Variants in RYR2 observed in about 807,000 individuals in gnomAD.
The protein encoded by RYR2 is ryanodine receptor 2, also known as cardiac muscle ryanodine receptor-calcium release channel.
A neutral mutation model predicts 601.1 loss-of-function variants in RYR2; 227 were observed. The ratio of observed to expected loss-of-function variants is 0.38; its 90% CI spans 0.34 to 0.42. The LOEUF is 0.42. Ranked by LOEUF, RYR2 falls within the 10% of genes least tolerant of loss-of-function variation. The pLI is 1.00. For synonymous variants in RYR2, 2,223 were observed against 2,175.1 expected (o/e 1.02, Z -0.61); for missense variants, 4,646 against 6,156.5 (o/e 0.75, Z 8.21).
At chr1:237,145,994 C>T (rs943239004) in intron 1 of RYR2, among the ~76,000 whole-genome samples, 6 of 151,982 alleles carry the variant, frequency 3.9e-5, no homozygotes, top group African/African-American at 7.3e-5. Context: ...AGGGTAATGT[C>T]GGTATTAATA....
Position 237,648,589 on chromosome 1 carries a change from C to T in RYR2, c.7488C>T (p.Leu2496=), listed in dbSNP as rs143906555. ...HLLEVGFLPD[L]RAAASLDTAA... ...TTGAGGTTGGCTTTCTGCCAGATCT[C>T]CGGGCGGCTGCTTCTTTAGATACGG... The change falls in exon 49 of 105, where the codon CTC becomes CTT. Residue 2496 remains leucine, a synonymous_variant. Coordinates refer to ENST00000366574, the MANE Select transcript of RYR2 (RefSeq NM_001035.3). The T allele has an allele frequency of 4.5e-3, 7,180 of 1,610,118 alleles. 24 individuals carry two copies. The highest frequency in any genetic ancestry group is 4.9e-3 in the Non-Finnish European group (5,753 of 1,177,992).
intron 29 of RYR2, among the ~76,000 whole-genome samples, chr1:237,573,221 G>T (rs1349982975): frequency 9.5e-6 from 1 of 105,020 alleles, no homozygotes; most frequent in Non-Finnish European, 2.1e-5. Context: ...TATCTATGGA[G>T]ATATACACAT....
intron 8 of RYR2, among the ~76,000 whole-genome samples, chr1:237,386,425 T>C (rs1572088604): frequency 6.6e-6 from 1 of 152,196 alleles, no homozygotes; most frequent in Non-Finnish European, 1.5e-5. Context: ...GGGAAATTTC[T>C]GGTCTGATTA....
At chr1:237,173,162 G>A (rs938500512) in intron 1 of RYR2, among the ~76,000 whole-genome samples, 3 of 151,914 alleles carry the variant, frequency 2.0e-5, no homozygotes, top group Non-Finnish European at 2.9e-5. Context: ...CTGTAGATAC[G>A]ACAAACTACT....
At chr1:237,451,166 G>T (rs1658062591) in intron 14 of RYR2, among the ~76,000 whole-genome samples, 1 of 152,164 alleles carries the variant, frequency 6.6e-6, no homozygotes, top group Non-Finnish European at 1.5e-5. Context: ...GGAGGCCAAG[G>T]TGGGTGGATC....
intron 47 of RYR2, among the ~76,000 whole-genome samples, chr1:237,642,738 C>T (rs1681694187): frequency 6.6e-6 from 1 of 152,124 alleles, no homozygotes; most frequent in African/African-American, 2.4e-5. Flanking sequence ...AGATTCTTGA[C>T]CGTATGTTCA....
chr1:237,564,232 C>T (rs1671739593), intron 27 of RYR2, among the ~76,000 whole-genome samples: 1 of 151,976 alleles, frequency 6.6e-6, no homozygotes, highest in African/African-American at 2.4e-5. Context: ...TTTGACTTTC[C>T]TGTTTGTTTA....
intron 3 of RYR2, among the ~76,000 whole-genome samples, chr1:237,332,822 T>G (rs1409304388): frequency 6.6e-6 from 1 of 152,182 alleles, no homozygotes; most frequent in Admixed American, 6.5e-5. Context: ...TCTTGAAATA[T>G]AGGAAGTAAT....
intron 1 of RYR2, among the ~76,000 whole-genome samples, chr1:237,160,291 G>C (rs1675861627): frequency 6.6e-6 from 1 of 152,188 alleles, no homozygotes; most frequent in African/African-American, 2.4e-5. Flanking sequence ...TCAGTGTTTA[G>C]AGGAAATGTT....
intron 1 of RYR2, among the ~76,000 whole-genome samples, chr1:237,108,429 A>G (rs1415713): frequency 1.2e-3 from 177 of 152,316 alleles, no homozygotes; most frequent in African/African-American, 4.1e-3. Context: ...AGGCCTGCTA[A>G]TTGAATTCCT....
intron 2 of RYR2, among the ~76,000 whole-genome samples, chr1:237,303,890 T>C (rs1230666544): frequency 6.6e-6 from 1 of 152,214 alleles, no homozygotes; most frequent in African/African-American, 2.4e-5. Flanking sequence ...TTTATCCAAC[T>C]GGATAGTCCT....
In RYR2 at chr1:237,492,074, C is replaced by T. The variant is rs1220903487; in HGVS notation, c.1827+150C>T. 3.3e-5 allele frequency: 18 copies of T among 543,762 alleles called. No individual in the cohort carries two copies. The East Asian group carries it at 5.5e-4, about 17-fold the overall frequency. 33.7% of individuals were successfully genotyped at this position (543,762 alleles called of 1,614,324 possible). A position where few individuals can be genotyped will look rare whatever the true frequency, so the allele number is the denominator to read the frequency against. Reference sequence around the variant, plus strand: ...TTGAGATGCAGTCGAGCTCTGTCGCCCAGGCTGGAGTGCAGTGGCGCGATC... The same window carrying T: ...TTGAGATGCAGTCGAGCTCTGTCGCTCAGGCTGGAGTGCAGTGGCGCGATC... On this transcript the variant is annotated intron_variant, in intron 18 of 104. Coordinates refer to ENST00000366574, the MANE Select transcript of RYR2 (RefSeq NM_001035.3).
intron 79 of RYR2, among the ~76,000 whole-genome samples, chr1:237,739,572 G>T (rs1245729858): frequency 6.6e-6 from 1 of 152,152 alleles, no homozygotes; most frequent in Non-Finnish European, 1.5e-5. Flanking sequence ...TTTCCTCCTA[G>T]TTCTCCTCCT....
At chr1:237,694,406 C>T (rs1433790950) in intron 63 of RYR2, among the ~76,000 whole-genome samples, 11 of 151,916 alleles carry the variant, frequency 7.2e-5, no homozygotes, top group East Asian at 1.9e-4. Context: ...TTCAATCATG[C>T]GCAATCTGTA....
At chr1:237,292,992 T>G (rs1572500391) in intron 2 of RYR2, among the ~76,000 whole-genome samples, 1 of 150,794 alleles carries the variant, frequency 6.6e-6, no homozygotes, top group African/African-American at 2.4e-5. Context: ...AAAAAAAAAG[T>G]CTTTTTTTTC....
intron 27 of RYR2, among the ~76,000 whole-genome samples, chr1:237,559,566 T>C (rs1315424467): frequency 6.6e-6 from 1 of 152,178 alleles, no homozygotes; most frequent in Non-Finnish European, 1.5e-5. Context: ...ATTTAGTTCA[T>C]TACACATGGT....
intron 34 of RYR2, 73 bp from the exon 35 acceptor site, chr1:237,601,952 T>C: frequency 8.0e-7 from 1 of 1,250,802 alleles, no homozygotes; most frequent in Admixed American, 2.2e-5. Flanking sequence ...ATTCCTTTGT[T>C]GTTATAAAGA....
intron 1 of RYR2, among the ~76,000 whole-genome samples, chr1:237,072,752 G>A (rs764038340): frequency 8.6e-5 from 13 of 152,042 alleles, no homozygotes; most frequent in Non-Finnish European, 1.6e-4. Flanking sequence ...TTCGAGACCA[G>A]CTTGGGCAAT....
intron 8 of RYR2, among the ~76,000 whole-genome samples, chr1:237,381,165 A>T (rs780905379): frequency 8.1e-5 from 12 of 148,344 alleles, no homozygotes; most frequent in African/African-American, 3.0e-4. Flanking sequence ...AAATCGCTTG[A>T]ACTGGGGAGG....
Sources: gnomAD v4.1 joint callset for allele counts (sites outside exome capture counted in the v4.1 genomes callset) on GRCh38, gnomAD v4.1.1 for gene constraint, MANE v1.5 for transcripts, NCBI Gene and HGNC (gene_info 2026-07-23, HGNC 2026-07-21) for gene names.